Variants in RBFOX2 observed in about 807,000 individuals in gnomAD.
The protein encoded by RBFOX2 is RNA binding fox-1 homolog 2, also known as RNA binding protein fox-1 homolog 2.
A neutral mutation model predicts 49.1 loss-of-function variants in RBFOX2; 10 were observed. The observed-to-expected ratio is 0.20, with a 90% CI of 0.13 to 0.35. The LOEUF is 0.35. Ranked by LOEUF, RBFOX2 falls within the 10% of genes least tolerant of loss-of-function variation. The pLI is 1.00. For missense variants in RBFOX2, 323 were observed against 486.9 expected, an observed-to-expected ratio of 0.66 and a Z score of 3.17; for synonymous variants, 183 against 187.4, an observed-to-expected ratio of 0.98 and a Z score of 0.19.
At chr22:36,004,409 A>G (rs1332833155) in intron 1 of RBFOX2, among the ~76,000 whole-genome samples, 5 of 152,178 alleles carry the variant, frequency 3.3e-5, no homozygotes, top group Non-Finnish European at 5.9e-5. Flanking sequence ...CCACGCCCTT[A>G]TTCTACCTGA....
intron 1 of RBFOX2, among the ~76,000 whole-genome samples, chr22:35,857,019 G>A (rs1251661755): frequency 2.0e-5 from 3 of 152,302 alleles, no homozygotes; most frequent in Non-Finnish European, 2.9e-5. Context: ...GTGACAGAGC[G>A]AGACTCCGTC....
chr22:35,976,749 G>A (rs1045469728), intron 1 of RBFOX2, among the ~76,000 whole-genome samples: 1 of 152,120 alleles, frequency 6.6e-6, no homozygotes, highest in Non-Finnish European at 1.5e-5. Flanking sequence ...GAACACCTGA[G>A]GTCAGGAGTT....
chr22:35,925,022 A>C (rs1392306804), intron 1 of RBFOX2, among the ~76,000 whole-genome samples: 1 of 151,512 alleles, frequency 6.6e-6, no homozygotes, highest in Non-Finnish European at 1.5e-5. Context: ...CTACTAAAAT[A>C]AATATATATA....
At chr22:36,028,507 G>T in exon 1 of RBFOX2, 1 of 1,045,432 alleles carries the variant, frequency 9.6e-7, no homozygotes, top group Non-Finnish European at 1.1e-6. Flanking sequence ...CGACTGTCGC[G>T]ACAGGCGGGC....
intron 2 of RBFOX2, among the ~76,000 whole-genome samples, chr22:35,785,765 T>C (rs1419648960): frequency 6.6e-6 from 1 of 152,236 alleles, no homozygotes; most frequent in Non-Finnish European, 1.5e-5. Flanking sequence ...GGAAGAGCTA[T>C]GAAGCAATGT....
At chr22:35,753,192 C>G (rs898494733) in intron 9 of RBFOX2, among the ~76,000 whole-genome samples, 1 of 152,200 alleles carries the variant, frequency 6.6e-6, no homozygotes, top group Non-Finnish European at 1.5e-5. Flanking sequence ...TTCTAATATG[C>G]CTTTCGGAGG....
upstream of RBFOX2, among the ~76,000 whole-genome samples, chr22:35,940,073 A>G (rs2053538382): frequency 6.6e-6 from 1 of 152,230 alleles, no homozygotes; most frequent in Non-Finnish European, 1.5e-5. Context: ...ACTTTTGAAT[A>G]TAACAATAGA....
intron 2 of RBFOX2, among the ~76,000 whole-genome samples, chr22:35,797,875 T>TG (rs1949062262): frequency 6.6e-6 from 1 of 152,244 alleles, no homozygotes. Flanking sequence ...CTGCAGGCTA[T>TG]GGGTTCACTG....
intron 2 of RBFOX2, among the ~76,000 whole-genome samples, chr22:35,793,021 C>T (rs2147588794): frequency 6.6e-6 from 1 of 152,334 alleles, no homozygotes; most frequent in African/African-American, 2.4e-5. Context: ...GCCTAAGCTT[C>T]CCAGGTTGCT....
exon 12 of RBFOX2, chr22:35,740,405 G>C (rs1929283906): frequency 6.6e-6 from 1 of 152,540 alleles, no homozygotes; most frequent in South Asian, 2.1e-4. Flanking sequence ...ATTTTCAAGA[G>C]CATGACAAAA....
intron 1 of RBFOX2, among the ~76,000 whole-genome samples, chr22:35,958,145 T>C (rs545209883): frequency 1.3e-5 from 2 of 152,346 alleles, no homozygotes; most frequent in South Asian, 4.1e-4. Flanking sequence ...TTATTTTAAT[T>C]GATAGACATT....
chr22:35,897,851 C>G, intron 1 of RBFOX2: 1 of 737,750 alleles, frequency 1.4e-6, no homozygotes, highest in Non-Finnish European at 2.5e-6. Context: ...TCTCCAACAG[C>G]CTTCTTTCTC....
intron 4 of RBFOX2, 136 bp downstream of exon 5, chr22:35,777,889 A>T: frequency 4.5e-6 from 4 of 879,748 alleles, no homozygotes; most frequent in Non-Finnish European, 6.8e-6. Context: ...TTTAGAGATA[A>T]TCTAAACCAA....
chr22:36,016,546 G>A (rs2059042766), intron 1 of RBFOX2, among the ~76,000 whole-genome samples: 1 of 152,122 alleles, frequency 6.6e-6, no homozygotes, highest in Admixed American at 6.5e-5. Context: ...AATACCCAGT[G>A]CAAAATCTCT....
chr22:35,970,535 C>G (rs989463661), intron 1 of RBFOX2, among the ~76,000 whole-genome samples: 4 of 151,406 alleles, frequency 2.6e-5, no homozygotes, highest in Non-Finnish European at 2.9e-5. Flanking sequence ...CTGGCATGTA[C>G]CTGTAGTCCC....
intron 1 of RBFOX2, among the ~76,000 whole-genome samples, chr22:35,974,662 G>T (rs1028745695): frequency 6.6e-6 from 1 of 152,098 alleles, no homozygotes; most frequent in Non-Finnish European, 1.5e-5. Flanking sequence ...ACTCCAACCT[G>T]GGTGACAGAG....
chr22:36,012,957 G>C (rs2058880811), intron 1 of RBFOX2, among the ~76,000 whole-genome samples: 1 of 151,950 alleles, frequency 6.6e-6, no homozygotes, highest in Admixed American at 6.6e-5. Context: ...GTAGAGATGG[G>C]GTTTCAACCT....
intron 1 of RBFOX2, among the ~76,000 whole-genome samples, chr22:35,871,402 C>T (rs1378992741): frequency 3.3e-5 from 5 of 152,096 alleles, no homozygotes; most frequent in Non-Finnish European, 7.4e-5. Flanking sequence ...ACTGCATAAC[C>T]TCAATATGCA....
At chr22:35,876,134 A>G (rs1188947955) in intron 1 of RBFOX2, among the ~76,000 whole-genome samples, 2 of 152,224 alleles carry the variant, frequency 1.3e-5, no homozygotes, top group East Asian at 3.8e-4. Context: ...TTAATAACTG[A>G]TGAATGAACG....
Sources: allele counts gnomAD v4.1 joint callset (sites outside exome capture counted in the v4.1 genomes callset), GRCh38; gene constraint gnomAD v4.1.1; transcripts MANE v1.5; gene names NCBI Gene and HGNC (gene_info 2026-07-23, HGNC 2026-07-21).